Variants in FRZB observed in about 807,000 individuals in gnomAD.
FRZB encodes frizzled related protein.
In FRZB, 34 loss-of-function variants were observed where a neutral mutation model predicts 32.5. The ratio of observed to expected loss-of-function variants is 1.05; its 90% CI spans 0.80 to 1.39. The LOEUF (loss-of-function observed/expected upper bound fraction) is 1.39, where lower values mean the gene tolerates loss of function less well. Ranked by LOEUF, FRZB falls within the 40% of genes most tolerant of loss-of-function variation. FRZB has a pLI of 0.00. For synonymous variants in FRZB, 170 were observed against 159.2 expected, an observed-to-expected ratio of 1.07 and a Z score of -0.51; for missense variants, 423 against 424.8, an observed-to-expected ratio of 1.00 and a Z score of 0.04.
Position 182,847,717 on chromosome 2 carries a change from G to C in FRZB, c.527-5174C>G, listed in dbSNP as rs550883899. On this transcript the variant is annotated intron_variant, in intron 2 of 5. Coordinates refer to ENST00000295113, the MANE Select transcript of FRZB (RefSeq NM_001463.4). ...AGTCATCAGCTATGGGGAATGAGGG[G>C]CTACGAAAAGCAGGATGTGGGCATG... Among the ~76,000 whole-genome samples, 4 of 152,306 alleles carry C rather than the reference G, an allele frequency of 2.6e-5. No homozygotes were observed. In the South Asian group the frequency reaches 8.3e-4, roughly 32 times the overall value.
chr2:182,841,219 G>T (rs568786272), intron 3 of FRZB, among the ~76,000 whole-genome samples: 3 of 152,122 alleles, frequency 2.0e-5, no homozygotes, highest in African/African-American at 7.2e-5. Context: ...GCAAAACATA[G>T]AAATTAATTC....
intron 2 of FRZB, among the ~76,000 whole-genome samples, chr2:182,857,343 G>A (rs913138949): frequency 4.6e-5 from 7 of 152,220 alleles, no homozygotes; most frequent in Middle Eastern, 3.4e-3. Context: ...GGTCTTGGCC[G>A]GACATGGTGG....
intron 1 of FRZB, among the ~76,000 whole-genome samples, chr2:182,862,520 G>T (rs1160335732): frequency 6.6e-6 from 1 of 152,168 alleles, no homozygotes; most frequent in Non-Finnish European, 1.5e-5. Context: ...ATATTTAGAA[G>T]AAATAAGATT....
In FRZB at chr2:182,838,555, C is replaced by T. The variant is rs1317972649; in HGVS notation, c.651G>A (p.Val217=). 2 of 1,612,836 alleles carry T rather than the reference C, an allele frequency of 1.2e-6. No individual in the cohort carries two copies. Among genetic ancestry groups the T allele is most frequent in the Admixed American group, 3.3e-5 (2 of 59,902 alleles). The change falls in exon 4 of 6, where the codon GTG becomes GTA. Residue 217 remains valine, a synonymous_variant. Transcript: ENST00000295113. ...AGGACTTTAGAATCTCCTTCACCTC[C>T]ACTACTGCAGTCACATCATGGCACT... is the stretch of plus-strand genomic sequence containing the variant. The part of the protein sequence containing the change: ...KTKCHDVTAV[V]EVKEILKSSL...
chr2:182,842,400 T>C (rs952946058), intron 3 of FRZB, 78 bp downstream of exon 3: 2 of 992,054 alleles, frequency 2.0e-6, no homozygotes, highest in Non-Finnish European at 3.2e-6. Context: ...CTCGTTTACA[T>C]GTGCACATCC....
chr2:182,862,612 A>G (rs1479096084), intron 1 of FRZB, among the ~76,000 whole-genome samples: 3 of 152,322 alleles, frequency 2.0e-5, no homozygotes, highest in Non-Finnish European at 4.4e-5. Flanking sequence ...TCTAGGCTGC[A>G]TCTGCATTTA....
At chr2:182,860,604 C>T (rs1049182231) in intron 1 of FRZB, among the ~76,000 whole-genome samples, 1 of 152,138 alleles carries the variant, frequency 6.6e-6, no homozygotes, top group Non-Finnish European at 1.5e-5. Flanking sequence ...TATGGTGACT[C>T]ACACCTGTAA....
At chr2:182,843,486 T>A (rs925833284) in intron 2 of FRZB, among the ~76,000 whole-genome samples, 2 of 152,212 alleles carry the variant, frequency 1.3e-5, no homozygotes, top group Non-Finnish European at 2.9e-5. Flanking sequence ...TATTTAATTA[T>A]ATGTAAAGAT....
At chr2:182,844,210 T>C (rs1695615410) in intron 2 of FRZB, among the ~76,000 whole-genome samples, 1 of 152,188 alleles carries the variant, frequency 6.6e-6, no homozygotes, top group Non-Finnish European at 1.5e-5. Flanking sequence ...GTTCTCCTGA[T>C]AATTTTTAGC....
At position 182,834,664 on chromosome 2, in the gene FRZB, A is replaced by G. The variant is rs1695503732; in HGVS notation, c.*185T>C. On this transcript the variant is annotated 3_prime_UTR_variant, in exon 6 of 6. Coordinates refer to ENST00000295113, the MANE Select transcript of FRZB (RefSeq NM_001463.4). The stretch of plus-strand genomic sequence containing the variant: ...TAAGAGTCTGCCCCCAAACCATTAC[A>G]AAGGGGTTGAGAGAAGAGAGAAGCA... The G allele has an allele frequency of 3.3e-6, 2 of 602,290 alleles. No individual in the cohort carries two copies. The highest frequency in any genetic ancestry group is 2.8e-5 in the Admixed American group (1 of 35,456). 37.3% of individuals were successfully genotyped at this position (602,290 alleles called of 1,614,324 possible).
intron 2 of FRZB, among the ~76,000 whole-genome samples, chr2:182,846,288 C>T (rs1695639576): frequency 6.6e-6 from 1 of 152,156 alleles, no homozygotes; most frequent in African/African-American, 2.4e-5. Flanking sequence ...CTAACTATCC[C>T]TGACCTTTGT....
Position 182,842,463 on chromosome 2 carries a change from T to C in FRZB, c.592+15A>G. ...AACACAGCAGTTTATACATCAACCA[T>C]GAAATTTTCCTTACCATAGTTGTAA... On this transcript the variant is annotated intron_variant, in intron 3 of 5. Transcript: ENST00000295113. 1 of 1,597,172 alleles carries C rather than the reference T, an allele frequency of 6.3e-7. No individual in the cohort carries two copies. Among genetic ancestry groups the C allele is most frequent in the Non-Finnish European group, 8.6e-7 (1 of 1,164,862 alleles).
At chr2:182,836,647 A>G (rs2105750995) in intron 5 of FRZB, among the ~76,000 whole-genome samples, 1 of 152,124 alleles carries the variant, frequency 6.6e-6, no homozygotes, top group East Asian at 1.9e-4. Flanking sequence ...CAGCAGGGAT[A>G]TTGAAAGCTT....
intron 1 of FRZB, among the ~76,000 whole-genome samples, chr2:182,864,004 A>G (rs1376641471): frequency 6.6e-6 from 1 of 152,174 alleles, no homozygotes; most frequent in East Asian, 1.9e-4. Flanking sequence ...GATTCCAACT[A>G]CCACCTATTT....
chr2:182,863,231 C>T (rs1043177799), intron 1 of FRZB, among the ~76,000 whole-genome samples: 3 of 152,340 alleles, frequency 2.0e-5, no homozygotes, highest in Admixed American at 1.3e-4. Flanking sequence ...AGCCTATCCT[C>T]TTTACTCACC....
rs749423879 is a variant in FRZB at position 182,842,530 on chromosome 2, A to T, written c.540T>A (p.Cys180Ter). ...CRGASSERCK[C>*]KPIRATQKTY... The stretch of plus-strand genomic sequence containing the variant: ...TCTTCTGTGTAGCTCTAATAGGCTT[A>T]CATTTACAGCGTTCTGAAAAACACA... Residue 180 changes from cysteine to a stop codon, truncating the protein, a stop_gained, in exon 3 of 6, where the codon TGT (cysteine) becomes TGA (stop). Coordinates refer to ENST00000295113, the MANE Select transcript of FRZB (RefSeq NM_001463.4). LOFTEE classifies it high-confidence loss of function. 1 of 1,612,024 alleles carries T rather than the reference A, an allele frequency of 6.2e-7. No homozygotes were observed. Among genetic ancestry groups the T allele is most frequent in the South Asian group, 1.1e-5 (1 of 90,956 alleles).
Position 182,861,466 on chromosome 2 carries a change from C to G in FRZB, c.479-2633G>C, listed in dbSNP as rs1183980551. On this transcript the variant is annotated intron_variant, in intron 1 of 5. Transcript: ENST00000295113. ...GTTCCTGTCCTGAGGATGACACGTC[C>G]TCTCCCCAATGACGTTGTTGTTAAA... Among the ~76,000 whole-genome samples the G allele has an allele frequency of 2.0e-5, 3 of 152,208 alleles. No homozygotes were observed. In the East Asian group the frequency reaches 5.8e-4, roughly 29 times the overall value.
At chr2:182,854,200 T>C (rs1343624737) in intron 2 of FRZB, among the ~76,000 whole-genome samples, 1 of 152,162 alleles carries the variant, frequency 6.6e-6, no homozygotes, top group Admixed American at 6.5e-5. Flanking sequence ...ATATCTTGGT[T>C]GCAGAGAGTG....
Position 182,866,433 on chromosome 2 carries a change from G to C in FRZB, c.120C>G (p.Ile40Met). 1 of 1,595,826 alleles carries C rather than the reference G, an allele frequency of 6.3e-7. No individual in the cohort carries two copies. The highest frequency in any genetic ancestry group is 1.1e-5 in the South Asian group (1 of 88,132). The change falls in exon 1 of 6, where the codon ATC (isoleucine) becomes ATG (methionine). Residue 40 changes from isoleucine to methionine, a missense_variant. Ile to Met is a conservative substitution (Grantham distance 10). Coordinates refer to ENST00000295113, the MANE Select transcript of FRZB (RefSeq NM_001463.4). The surrounding 1 kb of genome is among the most constrained non-coding windows in gnomAD (Gnocchi z 4.5). ...TCCAGGGCAGGGACTTGCACAGGGG[G>C]ATGCGGACGGGCTCACAGGCTGCAG... Reference protein sequence around the residue: ...ARAAACEPVRIPLCKSLPWNM... With the variant: ...ARAAACEPVRMPLCKSLPWNM...
Sources: gnomAD v4.1 joint callset for allele counts (sites outside exome capture counted in the v4.1 genomes callset) on GRCh38, gnomAD v4.1.1 for gene constraint, Gnocchi (gnomAD v3.1) non-coding constraint, MANE v1.5 for transcripts, NCBI Gene and HGNC (gene_info 2026-07-23, HGNC 2026-07-21) for gene names.